Variants in GYS2 observed in about 807,000 individuals in gnomAD.
GYS2 encodes the protein glycogen synthase 2.
GYS2 carries 80 observed loss-of-function variants against 85.6 expected under a neutral mutation model. The observed-to-expected ratio is 0.93, with a 90% CI of 0.78 to 1.13. The LOEUF (loss-of-function observed/expected upper bound fraction) is 1.13, where lower values mean the gene tolerates loss of function less well. Ranked by LOEUF, GYS2 falls within the 50% of genes most tolerant of loss-of-function variation. GYS2 has a pLI of 0.00. For synonymous variants in GYS2, 328 were observed against 300.7 expected (o/e 1.09, Z -0.94); for missense variants, 881 against 854.9 (o/e 1.03, Z -0.38).
chr12:21,601,261 C>A (rs1006818223), intron 1 of GYS2, among the ~76,000 whole-genome samples: 3 of 152,030 alleles, frequency 2.0e-5, no homozygotes, highest in Admixed American at 6.6e-5. Context: ...CCTCTCCTCT[C>A]CCTCAACTGG....
At chr12:21,542,763 C>G (rs930874332) in intron 12 of GYS2, among the ~76,000 whole-genome samples, 172 bp from the exon 13 acceptor site, 2 of 152,178 alleles carry the variant, frequency 1.3e-5, no homozygotes, top group Admixed American at 1.3e-4. Flanking sequence ...TCTCAACAAC[C>G]CTGTGAAGTG....
intron 1 of GYS2, among the ~76,000 whole-genome samples, chr12:21,603,651 G>A (rs1231771077): frequency 6.6e-6 from 1 of 152,034 alleles, no homozygotes. Flanking sequence ...CAATCAGTTG[G>A]CTTGATTCTT....
At chr12:21,591,797 C>A (rs1485898394) in intron 1 of GYS2, among the ~76,000 whole-genome samples, 1 of 152,040 alleles carries the variant, frequency 6.6e-6, no homozygotes, top group Non-Finnish European at 1.5e-5. Flanking sequence ...CAGCAGATTT[C>A]TCAGCAGAAA....
At chr12:21,575,809 G>T in intron 3 of GYS2, 57 bp downstream of exon 3, 2 of 1,273,368 alleles carry the variant, frequency 1.6e-6, no homozygotes, top group Non-Finnish European at 2.3e-6. Context: ...GATCATTCTT[G>T]GGCACTGAAA....
At chr12:21,558,091 A>G in intron 11 of GYS2, 109 bp downstream of exon 11, 1 of 749,552 alleles carries the variant, frequency 1.3e-6, no homozygotes, top group Non-Finnish European at 2.4e-6. Flanking sequence ...CCTTTAAAAT[A>G]CTTAAAATAT....
chr12:21,595,481 G>GGT (rs1221545002), intron 1 of GYS2, among the ~76,000 whole-genome samples: 1 of 152,214 alleles, frequency 6.6e-6, no homozygotes, highest in East Asian at 1.9e-4. Context: ...GCAAAATACA[G>GGT]GTGTAGAGGA....
intron 5 of GYS2, among the ~76,000 whole-genome samples, chr12:21,567,161 G>A (rs562903733): frequency 3.2e-4 from 48 of 152,234 alleles, no homozygotes; most frequent in African/African-American, 9.6e-4. Context: ...GTTGGAGGTC[G>A]GAAGCCAGAG....
chr12:21,576,702 T>C (rs1039532213), intron 2 of GYS2, among the ~76,000 whole-genome samples: 4 of 152,218 alleles, frequency 2.6e-5, no homozygotes, highest in African/African-American at 9.6e-5. Flanking sequence ...CTAAATGTTT[T>C]ATCTTCTGCA....
At chr12:21,538,882 A>C (rs1565590405) in intron 15 of GYS2, among the ~76,000 whole-genome samples, 2 of 152,192 alleles carry the variant, frequency 1.3e-5, no homozygotes, top group Non-Finnish European at 2.9e-5. Context: ...GGGGTGCTGA[A>C]CTTACTCTAT....
chr12:21,592,099 G>A (rs1312994631), intron 1 of GYS2, among the ~76,000 whole-genome samples: 2 of 147,634 alleles, frequency 1.4e-5, no homozygotes, highest in African/African-American at 5.0e-5. Flanking sequence ...GAACTCAAAC[G>A]TTACCACTAC....
Position 21,536,776 on chromosome 12 carries a change from TG to T in GYS2, c.*177del. On this transcript the variant is annotated 3_prime_UTR_variant, in exon 16 of 16. Coordinates refer to ENST00000261195, the MANE Select transcript of GYS2 (RefSeq NM_021957.4). ...GAAACAAGAGTTGGGGAAAATAACT[TG>T]GATCTTATCCTAAATTACAAAATTG... 1.6e-6 allele frequency: 1 copy of T among 617,346 alleles called. No homozygotes were observed. The highest frequency in any genetic ancestry group is 2.9e-6 in the Non-Finnish European group (1 of 348,546). The allele number at this position is 617,346 out of a possible 1,614,324, so 38.2% of individuals were successfully genotyped here.
intron 11 of GYS2, among the ~76,000 whole-genome samples, chr12:21,551,013 A>AATT (rs1555154968): frequency 7.3e-5 from 11 of 151,448 alleles, no homozygotes; most frequent in African/African-American, 2.4e-4. Flanking sequence ...TTTTTTTTTA[A>AATT]TTTTTTTTTA....
chr12:21,604,691 A>G lies in GYS2; in HGVS notation c.-99T>C, dbSNP rs149962927. On this transcript the variant is annotated 5_prime_UTR_variant, in exon 1 of 16. Coordinates refer to ENST00000261195, the MANE Select transcript of GYS2 (RefSeq NM_021957.4). ...CAGGCACAAAAGTTAGAGTTGGTAG[A>G]GTTACCAGGCTTTGGTAGCTTCTCT... 1 of 1,587,388 alleles carries G rather than the reference A, an allele frequency of 6.3e-7. No homozygotes were observed.
At chr12:21,551,001 CTTT>C (rs71452232) in intron 11 of GYS2, among the ~76,000 whole-genome samples, 79,095 of 142,696 alleles carry the variant, frequency 0.55, 23,733 homozygotes, top group East Asian at 0.8. Context: ...CTACACTTTT[CTTT>C]TTTTTTTAAT....
chr12:21,544,794 A>AT (rs1426556817), intron 12 of GYS2, among the ~76,000 whole-genome samples: 1 of 152,180 alleles, frequency 6.6e-6, no homozygotes, highest in East Asian at 1.9e-4. Context: ...TCCTTTGTCT[A>AT]TTTTCCCCAA....
At chr12:21,581,788 A>C (rs1313980891) in intron 1 of GYS2, among the ~76,000 whole-genome samples, 1 of 152,234 alleles carries the variant, frequency 6.6e-6, no homozygotes, top group Non-Finnish European at 1.5e-5. Flanking sequence ...TTATGATGGC[A>C]AAAAATTAGA....
rs1944441887 is a variant in GYS2 at position 21,575,967 on chromosome 12, C to A, written c.394G>T (p.Gly132Cys). ...ACACTGCATGCTTCCCAGAGGTCACCCTTCCACCTGTCCAGATTCCAAGCT... is the reference window on the plus strand; with the variant it reads ...ACACTGCATGCTTCCCAGAGGTCACACTTCCACCTGTCCAGATTCCAAGCT... Reference protein sequence around the residue: ...YSAWNLDRWKGDLWEACSVGI... With the variant: ...YSAWNLDRWKCDLWEACSVGI... The change falls in exon 3 of 16, where the codon GGT becomes TGT. Residue 132 changes from glycine to cysteine, a missense_variant. Coordinates refer to ENST00000261195, the MANE Select transcript of GYS2 (RefSeq NM_021957.4). 15 of 1,613,666 alleles carry A rather than the reference C, an allele frequency of 9.3e-6. No homozygotes were observed. Among genetic ancestry groups the A allele is most frequent in the Non-Finnish European group, 1.2e-5 (14 of 1,179,770 alleles).
rs1380022003 is a variant in GYS2 at position 21,574,268 on chromosome 12, C to T, written c.554G>A (p.Gly185Glu). ...GGCTCGAGAAAGGATCAGTCCAATT[C>T]CAGCCTGCCATTCATGGAATTGGGC... ...VVAQFHEWQA[G>E]IGLILSRARK... Residue 185 changes from glycine (G) to glutamate (E), a missense_variant, in exon 4 of 16, where the codon GGA becomes GAA. By Grantham distance (98) the Gly-to-Glu change is moderately conservative. Transcript: ENST00000261195. The T allele has an allele frequency of 1.2e-6, 2 of 1,613,698 alleles. No individual in the cohort carries two copies. Among genetic ancestry groups the T allele is most frequent in the African/African-American group, 2.7e-5 (2 of 74,908 alleles).
chr12:21,583,567 T>C (rs1332276199), intron 1 of GYS2, among the ~76,000 whole-genome samples: 7 of 152,186 alleles, frequency 4.6e-5, no homozygotes. Context: ...GAGGTGTCAG[T>C]GCCAGATAGG....
Sources: gnomAD v4.1 joint callset for allele counts (sites outside exome capture counted in the v4.1 genomes callset) on GRCh38, gnomAD v4.1.1 for gene constraint, MANE v1.5 for transcripts, NCBI Gene and HGNC (gene_info 2026-07-23, HGNC 2026-07-21) for gene names.